TXNDC11: variants seen among roughly 807,000 people sequenced by gnomAD.
TXNDC11 encodes thioredoxin domain-containing protein 11.
A neutral mutation model predicts 78.0 loss-of-function variants in TXNDC11; 68 were observed. That is an observed-to-expected ratio of 0.87 (90% CI 0.72 to 1.07). The LOEUF (loss-of-function observed/expected upper bound fraction) is 1.07, where lower values mean the gene tolerates loss of function less well. Ranked by LOEUF, TXNDC11 falls within the 50% of genes least tolerant of loss-of-function variation. The pLI is 0.00. For missense variants in TXNDC11, 1,389 were observed against 1,221.8 expected (o/e 1.14, Z -2.04); for synonymous variants, 571 against 495.2 (o/e 1.15, Z -2.03).
intron 5 of TXNDC11, among the ~76,000 whole-genome samples, chr16:11,701,720 GA>G (rs1423762043): frequency 6.6e-6 from 1 of 152,080 alleles, no homozygotes; most frequent in Non-Finnish European, 1.5e-5. Context: ...GACTACTTTT[GA>G]CCCTCAAATT....
At chr16:11,706,600 A>G (rs2051187193) in intron 5 of TXNDC11, among the ~76,000 whole-genome samples, 1 of 152,126 alleles carries the variant, frequency 6.6e-6, no homozygotes, top group Non-Finnish European at 1.5e-5. Context: ...ATCTCTTGTG[A>G]GTGTGGGATT....
intron 8 of TXNDC11, 47 bp downstream of exon 8, chr16:11,691,243 G>A (rs1238986624): frequency 1.7e-5 from 25 of 1,510,246 alleles, no homozygotes; most frequent in Non-Finnish European, 2.1e-5. Flanking sequence ...CCCATATGAA[G>A]TCAAGCAAAA....
chr16:11,737,690 C>G (rs556226406), intron 1 of TXNDC11, among the ~76,000 whole-genome samples: 1 of 151,280 alleles, frequency 6.6e-6, no homozygotes, highest in East Asian at 2.0e-4. Context: ...GGTGAAACCC[C>G]ATCTCTACTG....
intron 10 of TXNDC11, among the ~76,000 whole-genome samples, chr16:11,686,809 G>A (rs1464928158): frequency 6.6e-6 from 1 of 152,118 alleles, no homozygotes; most frequent in Non-Finnish European, 1.5e-5. Context: ...TAATTTCCGG[G>A]GAGGCTGGAG....
At chr16:11,689,742 T>A (rs1026329778) in intron 8 of TXNDC11, among the ~76,000 whole-genome samples, 1 of 152,196 alleles carries the variant, frequency 6.6e-6, no homozygotes, top group Admixed American at 6.5e-5. Context: ...ACCTCAAAAA[T>A]ACATGCTTGT....
At chr16:11,702,810 C>T (rs2051070710) in intron 5 of TXNDC11, among the ~76,000 whole-genome samples, 1 of 152,158 alleles carries the variant, frequency 6.6e-6, no homozygotes, top group Non-Finnish European at 1.5e-5. Flanking sequence ...CCCATGACCC[C>T]ATCTTTCAGT....
At chr16:11,735,979 G>A (rs974674386) in intron 2 of TXNDC11, 38 bp downstream of exon 2, 2 of 1,597,078 alleles carry the variant, frequency 1.3e-6, no homozygotes. Context: ...ATATAGGACT[G>A]ACAGTCATTT....
chr16:11,711,458 C>T (rs1381221670), intron 5 of TXNDC11, among the ~76,000 whole-genome samples: 1 of 152,224 alleles, frequency 6.6e-6, no homozygotes, highest in East Asian at 1.9e-4. Context: ...GAATCCTTGA[C>T]TTTTCCAGCT....
intron 7 of TXNDC11, 125 bp downstream of exon 7, chr16:11,698,000 G>T: frequency 1.1e-6 from 1 of 892,902 alleles, no homozygotes; most frequent in Non-Finnish European, 1.8e-6. Context: ...AATGCTCAGA[G>T]CCACAGCTGC....
At chr16:11,685,247 T>C (rs980406228) in intron 10 of TXNDC11, among the ~76,000 whole-genome samples, 1 of 152,080 alleles carries the variant, frequency 6.6e-6, no homozygotes, top group Non-Finnish European at 1.5e-5. Flanking sequence ...TCCCAGCTAC[T>C]TGGGAAGGTG....
At chr16:11,693,336 G>A (rs1401213756) in intron 7 of TXNDC11, among the ~76,000 whole-genome samples, 1 of 152,146 alleles carries the variant, frequency 6.6e-6, no homozygotes, top group Non-Finnish European at 1.5e-5. Flanking sequence ...CTGGTTTCCT[G>A]AGAAAGACAT....
intron 5 of TXNDC11, among the ~76,000 whole-genome samples, chr16:11,707,677 G>A (rs2051223553): frequency 6.6e-6 from 1 of 151,714 alleles, no homozygotes; most frequent in East Asian, 2.0e-4. Context: ...TCGAACTCCT[G>A]ACCTCAAGTG....
intron 7 of TXNDC11, among the ~76,000 whole-genome samples, chr16:11,694,242 T>C (rs936076673): frequency 1.3e-5 from 2 of 151,858 alleles, no homozygotes; most frequent in Admixed American, 1.3e-4. Flanking sequence ...CCCAGGTAGC[T>C]GGGATTACAG....
chr16:11,734,064 T>C lies in TXNDC11; in HGVS notation c.487A>G (p.Ile163Val). 2.5e-6 allele frequency: 4 copies of C among 1,601,608 alleles called. No individual in the cohort carries two copies. Among genetic ancestry groups the C allele is most frequent in the Non-Finnish European group, 3.4e-6 (4 of 1,177,400 alleles). ...TTCCCCTGGTTCCACCAACAGTTAA[T>C]TGCCACAAACAACACCTGCAGAGCC... is the stretch of plus-strand genomic sequence containing the variant. ...RLSDQVLFVA[I>V]NCWWNQGKCR... Residue 163 changes from isoleucine to valine, a missense_variant, in exon 3 of 12, where the codon ATT becomes GTT. Physicochemically the swap from Ile to Val is conservative, Grantham distance 29. Transcript: ENST00000283033.
chr16:11,688,580 A>C (rs910323307), intron 8 of TXNDC11, 135 bp from the exon 9 acceptor site: 11 of 745,302 alleles, frequency 1.5e-5, no homozygotes, highest in Non-Finnish European at 2.1e-5. Flanking sequence ...CTATCAGCAA[A>C]ACCCCAAACA....
At chr16:11,694,257 G>T (rs1298610788) in intron 7 of TXNDC11, among the ~76,000 whole-genome samples, 1 of 150,962 alleles carries the variant, frequency 6.6e-6, no homozygotes, top group South Asian at 2.1e-4. Context: ...TTACAGGCAT[G>T]CATCACGACA....
Position 11,691,786 on chromosome 16 carries a change from C to A in TXNDC11, c.1404G>T (p.Met468Ile). The A allele has an allele frequency of 6.2e-7, 1 of 1,614,236 alleles. No homozygotes were observed. Among genetic ancestry groups the A allele is most frequent in the Non-Finnish European group, 8.5e-7 (1 of 1,180,052 alleles). Residue 468 changes from methionine to isoleucine, a missense_variant, in exon 8 of 12, where the codon ATG becomes ATT. By Grantham distance (10) the Met-to-Ile change is conservative (BLOSUM62 1). Coordinates refer to ENST00000283033, the MANE Select transcript of TXNDC11 (RefSeq NM_015914.7). The stretch of plus-strand genomic sequence containing the variant: ...GGTAGAAAGAATCCAGAGCTGCTGC[C>A]ATTTCAAAAAAGCTGCACTGTGGCA... Reference protein sequence around the residue: ...VSVPQCSFFEMAAALDSFYLK... With the variant: ...VSVPQCSFFEIAAALDSFYLK...
chr16:11,710,783 C>T (rs1426229482), intron 5 of TXNDC11, among the ~76,000 whole-genome samples: 1 of 152,134 alleles, frequency 6.6e-6, no homozygotes, highest in Admixed American at 6.5e-5. Flanking sequence ...CCACTGCACT[C>T]TAGCTTGGGC....
rs185206516 is a variant in TXNDC11, at chr16:11,721,603, G to A, written c.767C>T (p.Thr256Ile). ...PQPPGYLTFFTSALHSLKKDY... is the reference protein window; with the variant it reads ...PQPPGYLTFFISALHSLKKDY... ...TTTCTTTAATGAATGTAATGCTGAG[G>A]TGAAGAAGGTCAAATAACCAGGAGG... The change falls in exon 5 of 12, where the codon ACC becomes ATC. Residue 256 changes from threonine to isoleucine, a missense_variant. Thr to Ile is a moderately conservative substitution (Grantham distance 89). Transcript: ENST00000283033. 6 of 1,610,376 alleles carry A rather than the reference G, an allele frequency of 3.7e-6. No homozygotes were observed. In the Admixed American group the frequency reaches 8.3e-5, roughly 22 times the overall value.
Sources: allele counts gnomAD v4.1 joint callset (sites outside exome capture counted in the v4.1 genomes callset), GRCh38; gene constraint gnomAD v4.1.1; transcripts MANE v1.5; gene names NCBI Gene and HGNC (gene_info 2026-07-23, HGNC 2026-07-21).